AAK1: variants seen among roughly 807,000 people sequenced by gnomAD.
The protein encoded by AAK1 is AP2-associated protein kinase 1.
A neutral mutation model predicts 116.0 loss-of-function variants in AAK1; 37 were observed. The ratio of observed to expected loss-of-function variants is 0.32; its 90% CI spans 0.25 to 0.42. The LOEUF (loss-of-function observed/expected upper bound fraction) is 0.42. AAK1 is among the 10% of genes least tolerant of loss of function. The probability of loss-of-function intolerance (pLI) is 1.00; values close to 1 mark genes in which losing one functional copy is unlikely to be tolerated. For synonymous variants in AAK1, 458 were observed against 439.9 expected (o/e 1.04, Z -0.51); for missense variants, 919 against 1,170.6 (o/e 0.79, Z 3.14).
At chr2:69,559,970 G>A (rs975534167) in intron 2 of AAK1, among the ~76,000 whole-genome samples, 1 of 152,316 alleles carries the variant, frequency 6.6e-6, no homozygotes, top group Middle Eastern at 3.4e-3. Flanking sequence ...ATGCAATCCA[G>A]TAAGCACAAT....
At chr2:69,524,983 G>A (rs1400813960) in intron 10 of AAK1, 50 bp downstream of exon 10, 4 of 1,530,658 alleles carry the variant, frequency 2.6e-6, no homozygotes, top group Admixed American at 3.3e-5. Flanking sequence ...ATCATTCCCT[G>A]CTGCTGTGGC....
chr2:69,566,479 C>T (rs1671875666), intron 2 of AAK1, among the ~76,000 whole-genome samples: 1 of 152,144 alleles, frequency 6.6e-6, no homozygotes, highest in South Asian at 2.1e-4. Context: ...TCAACTCCCT[C>T]TCTCCCCACT....
chr2:69,543,469 G>A (rs1184159329), intron 4 of AAK1, among the ~76,000 whole-genome samples: 4 of 152,026 alleles, frequency 2.6e-5, no homozygotes, highest in African/African-American at 4.8e-5. Flanking sequence ...GTGTAGTGGC[G>A]TGATCTCAGC....
intron 2 of AAK1, among the ~76,000 whole-genome samples, chr2:69,566,330 G>A (rs1033113719): frequency 2.6e-5 from 4 of 152,158 alleles, no homozygotes; most frequent in African/African-American, 9.7e-5. Context: ...GGGGGCTTGG[G>A]GTTTGTTTTT....
At chr2:69,539,872 T>G (rs1670631018) in intron 5 of AAK1, among the ~76,000 whole-genome samples, 1 of 152,326 alleles carries the variant, frequency 6.6e-6, no homozygotes, top group South Asian at 2.1e-4. Flanking sequence ...CTGCCTGATC[T>G]CACTATCTGG....
chr2:69,576,158 C>G (rs1312302928), intron 2 of AAK1, among the ~76,000 whole-genome samples: 1 of 152,154 alleles, frequency 6.6e-6, no homozygotes, highest in Non-Finnish European at 1.5e-5. Context: ...CCTCCTCACT[C>G]TCCACTAGCC....
Position 69,509,402 on chromosome 2 carries a change from T to C in AAK1, c.1835A>G (p.Gln612Arg), listed in dbSNP as rs975650397. 6.2e-7 allele frequency: 1 copy of C among 1,613,954 alleles called. No individual in the cohort carries two copies. The highest frequency in any genetic ancestry group is 1.1e-5 in the South Asian group (1 of 91,074). ...AGTGAGAGATCCAACTTTCTGCCCC[T>C]GGACGGCAGGAGGTGGGGTTGTCTG... The part of the protein sequence containing the change: ...KVQTTPPPAV[Q>R]GQKVGSLTPP... Residue 612 changes from glutamine to arginine, a missense_variant, in exon 14 of 22, where the codon CAG becomes CGG. By Grantham distance (43) the Gln-to-Arg change is conservative (BLOSUM62 1). This residue lies in a region of AAK1 where 125 missense variants were observed against 184.1 expected (regional missense o/e 0.68). Transcript: ENST00000409085.
chr2:69,604,765 T>G (rs902505879), intron 2 of AAK1, among the ~76,000 whole-genome samples: 6 of 152,058 alleles, frequency 3.9e-5, no homozygotes, highest in Non-Finnish European at 8.8e-5. Flanking sequence ...CTGGCACTGC[T>G]TCTCCCGGGT....
chr2:69,525,388 C>G (rs1359681050), intron 9 of AAK1, among the ~76,000 whole-genome samples: 1 of 152,182 alleles, frequency 6.6e-6, no homozygotes, highest in East Asian at 1.9e-4. Context: ...ACCTTCTGTA[C>G]CATGGTGAGT....
At chr2:69,482,383 A>G in intron 18 of AAK1, 1 of 541,660 alleles carries the variant, frequency 1.8e-6, no homozygotes, top group Non-Finnish European at 3.2e-6. Context: ...AGAATCTGCT[A>G]AATTTCATTA....
Position 69,643,233 on chromosome 2 carries a change from G to A in AAK1, c.-193C>T, listed in dbSNP as rs1330535073. The A allele has an allele frequency of 5.7e-6, 8 of 1,407,012 alleles. No individual in the cohort carries two copies. The highest frequency in any genetic ancestry group is 1.5e-5 in the African/African-American group (1 of 68,680). 87.2% of individuals were successfully genotyped at this position (1,407,012 alleles called of 1,614,324 possible). ...GAATATGCGTGTCAATCGCGCAGCG[G>A]GTCCCCTCCTCCTCCAGAAAGCGAT... is the stretch of plus-strand genomic sequence containing the variant. On this transcript the variant is annotated 5_prime_UTR_variant, in exon 2 of 22. Transcript: ENST00000409085.
intron 4 of AAK1, among the ~76,000 whole-genome samples, chr2:69,544,005 A>G (rs1324490766): frequency 1.3e-5 from 2 of 152,198 alleles, no homozygotes; most frequent in Non-Finnish European, 2.9e-5. Flanking sequence ...CTTCCATTAG[A>G]CAAAAAGGAT....
Position 69,474,191 on chromosome 2 carries a change from C to A in AAK1, c.*1678G>T. The A allele has an allele frequency of 1.0e-6, 1 of 985,748 alleles. No individual in the cohort carries two copies. 61.1% of individuals were successfully genotyped at this position (985,748 alleles called of 1,614,324 possible). On this transcript the variant is annotated 3_prime_UTR_variant, in exon 22 of 22. Coordinates refer to ENST00000409085, the MANE Select transcript of AAK1 (RefSeq NM_014911.5). ...GCTGTTGTTGCTGTTAAACTTTTTT[C>A]CCCCATAAAGTGCAAATGTGAGGAA...
intron 2 of AAK1, among the ~76,000 whole-genome samples, chr2:69,593,330 G>C (rs1011726247): frequency 2.6e-5 from 4 of 152,022 alleles, no homozygotes; most frequent in African/African-American, 9.7e-5. Flanking sequence ...TATACTCAGT[G>C]ATATGGAAAA....
intron 2 of AAK1, among the ~76,000 whole-genome samples, chr2:69,583,266 C>A (rs1672621474): frequency 6.6e-6 from 1 of 152,190 alleles, no homozygotes; most frequent in Admixed American, 6.5e-5. Flanking sequence ...AAATTCTATA[C>A]AGGGATTTGA....
intron 2 of AAK1, among the ~76,000 whole-genome samples, chr2:69,571,148 T>A (rs1042524277): frequency 6.6e-6 from 1 of 152,232 alleles, no homozygotes; most frequent in African/African-American, 2.4e-5. Context: ...GCCTAGTTTA[T>A]CATACTCTTC....
chr2:69,633,267 A>G (rs1396851616), intron 2 of AAK1, among the ~76,000 whole-genome samples: 1 of 150,492 alleles, frequency 6.6e-6, no homozygotes, highest in East Asian at 2.0e-4. Context: ...ACAGGCAAAA[A>G]GAGGTCCCAG....
At chr2:69,612,587 G>A (rs1364618876) in intron 2 of AAK1, among the ~76,000 whole-genome samples, 2 of 152,202 alleles carry the variant, frequency 1.3e-5, no homozygotes, top group East Asian at 1.9e-4. Flanking sequence ...TTTTCACATT[G>A]TTTGATATTT....
chr2:69,466,182 C>T lies in AAK1; in HGVS notation c.*9687G>A. The T allele has an allele frequency of 7.8e-7, 1 of 1,289,932 alleles. No individual in the cohort carries two copies. Among genetic ancestry groups the T allele is most frequent in the Non-Finnish European group, 1.0e-6 (1 of 988,882 alleles). 79.9% of individuals were successfully genotyped at this position (1,289,932 alleles called of 1,614,324 possible). Reference sequence around the variant, plus strand: ...TGTGAAGGCTTGAAACTGGTTCTTTCTTCCACCTTGCACTGTCTTTGCTTG... The same window carrying T: ...TGTGAAGGCTTGAAACTGGTTCTTTTTTCCACCTTGCACTGTCTTTGCTTG... On this transcript the variant is annotated 3_prime_UTR_variant, in exon 22 of 22. Coordinates refer to ENST00000409085, the MANE Select transcript of AAK1 (RefSeq NM_014911.5).
Sources: allele counts gnomAD v4.1 joint callset (sites outside exome capture counted in the v4.1 genomes callset), GRCh38; gene constraint gnomAD v4.1.1; regional missense constraint gnomAD v4.1.1; transcripts MANE v1.5; gene names NCBI Gene and HGNC (gene_info 2026-07-23, HGNC 2026-07-21).